Variants in MMP26 observed in about 807,000 individuals in gnomAD.
The protein encoded by MMP26 is matrix metallopeptidase 26, also known as matrix metalloproteinase-26.
Under a neutral mutation model 31.0 loss-of-function variants are expected in MMP26, and 33 were observed. The observed-to-expected ratio is 1.06, with a 90% CI of 0.81 to 1.42. The LOEUF is 1.42. MMP26 is among the 40% of genes most tolerant of loss of function. MMP26 has a pLI of 0.00. For missense variants in MMP26, 347 were observed against 316.1 expected (o/e 1.10, Z -0.74); for synonymous variants, 122 against 114.9 (o/e 1.06, Z -0.40).
intron 1 of MMP26, among the ~76,000 whole-genome samples, chr11:4,737,436 G>A (rs1315061007): frequency 1.3e-5 from 2 of 152,148 alleles, no homozygotes; most frequent in African/African-American, 2.4e-5. Flanking sequence ...CTGAGGTCGG[G>A]AGTTTGAGAC....
At chr11:4,986,824 C>T (rs1392347759) in intron 2 of MMP26, among the ~76,000 whole-genome samples, 2 of 150,414 alleles carry the variant, frequency 1.3e-5, no homozygotes, top group African/African-American at 4.9e-5. Flanking sequence ...TGAGCCACTG[C>T]GCCTGGCCTA....
At chr11:4,712,373 G>T (rs963905257) in intron 1 of MMP26, 1 of 152,018 alleles carries the variant, frequency 6.6e-6, no homozygotes, top group African/African-American at 2.4e-5. Context: ...CATAGATGGC[G>T]GTCTCTCTTT....
chr11:4,751,244 G>A (rs1848443555), intron 1 of MMP26, among the ~76,000 whole-genome samples: 1 of 152,048 alleles, frequency 6.6e-6, no homozygotes, highest in Non-Finnish European at 1.5e-5. Flanking sequence ...GTATTACAGA[G>A]CCTTCAAATA....
chr11:4,809,563 AAGGAATAGCTTCT>A (rs1849322806), intron 2 of MMP26, among the ~76,000 whole-genome samples: 1 of 152,216 alleles, frequency 6.6e-6, no homozygotes, highest in Non-Finnish European at 1.5e-5. Flanking sequence ...AGATTTTGCT[AAGGAATAGCTTCT>A]AGGAAGCTGT....
At chr11:4,758,224 T>C (rs1269771596) in intron 1 of MMP26, among the ~76,000 whole-genome samples, 2 of 152,012 alleles carry the variant, frequency 1.3e-5, no homozygotes, top group African/African-American at 4.8e-5. Flanking sequence ...TCAAATATGC[T>C]GAGTGAAAGA....
chr11:4,799,371 G>A (rs191939351), intron 2 of MMP26, among the ~76,000 whole-genome samples: 5 of 152,120 alleles, frequency 3.3e-5, no homozygotes, highest in African/African-American at 7.2e-5. Context: ...AGAGAGAAGG[G>A]GGGGGTCTCA....
At chr11:4,945,627 T>A (rs1416823751) in intron 2 of MMP26, 2 of 158,854 alleles carry the variant, frequency 1.3e-5, no homozygotes, top group Non-Finnish European at 2.8e-5. Context: ...GGGGCAAGAG[T>A]GAAAGAGGCA....
At chr11:4,988,459 A>AT in intron 3 of MMP26, 149 bp downstream of exon 3, 1 of 702,718 alleles carries the variant, frequency 1.4e-6, no homozygotes, top group Non-Finnish European at 2.4e-6. Flanking sequence ...CTATGTGTTC[A>AT]TTTTTCTCTT....
intron 2 of MMP26, among the ~76,000 whole-genome samples, chr11:4,793,375 T>A (rs886808589): frequency 6.6e-6 from 1 of 152,106 alleles, no homozygotes; most frequent in African/African-American, 2.4e-5. Flanking sequence ...TACAAATTGA[T>A]AAAAAACGAG....
chr11:4,738,585 T>C, intron 1 of MMP26, among the ~76,000 whole-genome samples: 1 of 152,214 alleles, frequency 6.6e-6, no homozygotes, highest in Non-Finnish European at 1.5e-5. Context: ...ACTAGGATTG[T>C]TTTGAAACAG....
intron 2 of MMP26, among the ~76,000 whole-genome samples, chr11:4,904,884 G>A (rs1850859669): frequency 6.6e-6 from 1 of 152,054 alleles, no homozygotes; most frequent in Admixed American, 6.6e-5. Flanking sequence ...CAGATACATG[G>A]GGATAAATAA....
chr11:4,976,863 C>T (rs1846744415), intron 2 of MMP26, among the ~76,000 whole-genome samples: 2 of 151,992 alleles, frequency 1.3e-5, no homozygotes, highest in Non-Finnish European at 2.9e-5. Context: ...GTTATAGGTT[C>T]TTCTGGAGAA....
At chr11:4,837,004 A>C (rs911423237) in intron 2 of MMP26, among the ~76,000 whole-genome samples, 1 of 152,210 alleles carries the variant, frequency 6.6e-6, no homozygotes, top group Non-Finnish European at 1.5e-5. Flanking sequence ...AAAGGAAACT[A>C]AATTTAGGTT....
chr11:4,716,001 TCTA>T (rs1009614220), intron 1 of MMP26, among the ~76,000 whole-genome samples: 36 of 152,308 alleles, frequency 2.4e-4, no homozygotes, highest in African/African-American at 8.4e-4. Context: ...CGAAGGAGGT[TCTA>T]CTGCTGGATT....
chr11:4,825,127 C>G (rs991789034), intron 2 of MMP26, among the ~76,000 whole-genome samples: 1 of 152,098 alleles, frequency 6.6e-6, no homozygotes, highest in Non-Finnish European at 1.5e-5. Context: ...GCATCACACT[C>G]AGGTTTGGTT....
chr11:4,801,258 T>C (rs7933099), intron 2 of MMP26, among the ~76,000 whole-genome samples: 55,883 of 152,096 alleles, frequency 0.37, 11,349 homozygotes, highest in African/African-American at 0.51. Context: ...AACTACCCTA[T>C]ACTTGGTACA....
chr11:4,879,577 TA>T (rs988146939), intron 2 of MMP26, among the ~76,000 whole-genome samples: 2 of 152,104 alleles, frequency 1.3e-5, no homozygotes, highest in Non-Finnish European at 2.9e-5. Flanking sequence ...GCGAAGTTAT[TA>T]AAAAATCTCT....
intron 2 of MMP26, among the ~76,000 whole-genome samples, chr11:4,799,375 G>A (rs1278882309): frequency 1.3e-5 from 2 of 151,802 alleles, no homozygotes; most frequent in East Asian, 1.9e-4. Context: ...AGAAGGGGGG[G>A]GTCTCAGGCT....
intron 2 of MMP26, among the ~76,000 whole-genome samples, chr11:4,898,841 G>C (rs879560289): frequency 0.031 from 3,012 of 95,774 alleles, 76 homozygotes; most frequent in African/African-American, 0.11. Context: ...CTGTGTGTGT[G>C]TGTGTGTGTG....
Sources: allele counts gnomAD v4.1 joint callset (sites outside exome capture counted in the v4.1 genomes callset), GRCh38; gene constraint gnomAD v4.1.1; transcripts MANE v1.5; gene names NCBI Gene and HGNC (gene_info 2026-07-23, HGNC 2026-07-21).